The following NECAB2 variants were observed in gnomAD, a reference collection of about 807,000 sequenced individuals.
NECAB2 encodes N-terminal EF-hand calcium binding protein 2.
Under a neutral mutation model 51.9 loss-of-function variants are expected in NECAB2, and 68 were observed. The observed-to-expected ratio is 1.31, with a 90% confidence interval of 1.08 to 1.60. NECAB2 has a LOEUF of 1.60. NECAB2 is among the 40% of genes most tolerant of loss of function. The probability of loss-of-function intolerance (pLI) is 0.00; values close to 1 mark genes in which losing one functional copy is unlikely to be tolerated. For synonymous variants in NECAB2, 329 were observed against 203.5 expected (o/e 1.62, Z -5.25); for missense variants, 854 against 490.3 (o/e 1.74, Z -7.00).
In NECAB2 at chr16:83,968,825, C is replaced by T. The variant is rs2084318191; in HGVS notation, c.177C>T (p.Arg59=). The change falls in exon 1 of 13, where the codon CGC becomes CGT. Residue 59 remains arginine (R), a synonymous_variant. Transcript: ENST00000305202. The stretch of plus-strand genomic sequence containing the variant: ...CGGACCCCGGCCCAGCCTCGCCGCG[C>T]GGGGGCACCGCCGTCATCCTGGACG... ...APADPGPASP[R]GGTAVILDIF... 2.7e-6 allele frequency: 3 copies of T among 1,122,838 alleles called. No individual in the cohort carries two copies. Among genetic ancestry groups the T allele is most frequent in the African/African-American group, 1.7e-5 (1 of 60,060 alleles). The allele number at this position is 1,122,838 out of a possible 1,614,324, so 69.6% of individuals were successfully genotyped here.
chr16:83,971,161 C>G (rs1383995209), intron 1 of NECAB2, among the ~76,000 whole-genome samples: 3 of 152,058 alleles, frequency 2.0e-5, no homozygotes, highest in Non-Finnish European at 4.4e-5. Context: ...AGGTCTGACT[C>G]CACTACAGTG....
chr16:83,973,484 C>T (rs1171613000), intron 2 of NECAB2, among the ~76,000 whole-genome samples: 1 of 152,132 alleles, frequency 6.6e-6, no homozygotes, highest in Non-Finnish European at 1.5e-5. Context: ...GGACCATCAG[C>T]AGTGATTCCA....
chr16:84,002,561 A>C lies in NECAB2; in HGVS notation c.*215A>C. ...TGCTGCCAGGTCCTGGTGAAGCCCA[A>C]GGTTGAAGGGGGCGGCTTCCTGGAG... On this transcript the variant is annotated 3_prime_UTR_variant, in exon 13 of 13. Coordinates refer to ENST00000305202, the MANE Select transcript of NECAB2 (RefSeq NM_019065.3). 1.6e-6 allele frequency: 1 copy of C among 638,600 alleles called. No homozygotes were observed. The highest frequency in any genetic ancestry group is 2.7e-6 in the Non-Finnish European group (1 of 369,924). 39.6% of individuals were successfully genotyped at this position (638,600 alleles called of 1,614,324 possible).
intron 6 of NECAB2, among the ~76,000 whole-genome samples, chr16:83,992,777 C>G (rs1459112603): frequency 1.3e-5 from 2 of 152,226 alleles, no homozygotes; most frequent in East Asian, 3.8e-4. Context: ...AATCCCTGGA[C>G]TGGAGCCCAG....
At chr16:83,998,761 C>T (rs540640022) in intron 10 of NECAB2, among the ~76,000 whole-genome samples, 7 of 152,146 alleles carry the variant, frequency 4.6e-5, no homozygotes, top group East Asian at 1.9e-4. Flanking sequence ...AGAGGAGAGT[C>T]GGTAGCTGAA....
At position 84,000,765 on chromosome 16, in the gene NECAB2, T is replaced by C; in HGVS notation, c.1004T>C (p.Ile335Thr). ...CTCTCAGATGGCTTCACCTTTGTCA[T>C]CTATGAGTTCTGGGAGACAGAGGAG... Reference protein sequence around the residue: ...VRLSDGFTFVIYEFWETEEAW... With the variant: ...VRLSDGFTFVTYEFWETEEAW... The change falls in exon 11 of 13, where the codon ATC becomes ACC. Residue 335 changes from isoleucine to threonine, a missense_variant. Coordinates refer to ENST00000305202, the MANE Select transcript of NECAB2 (RefSeq NM_019065.3). 1 of 1,613,768 alleles carries C rather than the reference T, an allele frequency of 6.2e-7. No individual in the cohort carries two copies. The highest frequency in any genetic ancestry group is 2.2e-5 in the East Asian group (1 of 44,856).
intron 2 of NECAB2, 67 bp downstream of exon 2, chr16:83,972,242 T>C: frequency 6.2e-7 from 1 of 1,608,852 alleles, no homozygotes; most frequent in Non-Finnish European, 8.5e-7. Context: ...GGGGAAGGGA[T>C]CAGGGATAGG....
At chr16:84,000,702 C>T (rs1214323771) in intron 10 of NECAB2, 22 bp from the exon 11 acceptor site, 4 of 1,612,770 alleles carry the variant, frequency 2.5e-6, no homozygotes, top group Non-Finnish European at 3.4e-6. Flanking sequence ...AGCCTCCTCC[C>T]CCCGACCATC....
At chr16:83,991,776 A>T (rs192282799) in intron 6 of NECAB2, among the ~76,000 whole-genome samples, 1 of 149,122 alleles carries the variant, frequency 6.7e-6, no homozygotes, top group East Asian at 2.0e-4. Context: ...CCTCCCAAGG[A>T]GCTGGGACTA....
At chr16:84,000,336 C>T (rs1361116223) in intron 10 of NECAB2, among the ~76,000 whole-genome samples, 1 of 145,618 alleles carries the variant, frequency 6.9e-6, no homozygotes, top group Non-Finnish European at 1.5e-5. Flanking sequence ...TAAAGACCAG[C>T]ATGGGGAACA....
In NECAB2 at chr16:83,968,683, G is replaced by GCGCGCACAGGCTGCTCCGGGAGCCGC; in HGVS notation, c.39_64dup (p.Gln22ArgfsTer128). 1 of 989,772 alleles carries GCGCGCACAGGCTGCTCCGGGAGCCGC rather than the reference G, an allele frequency of 1.0e-6. No individual in the cohort carries two copies. The highest frequency in any genetic ancestry group is 1.2e-6 in the Non-Finnish European group (1 of 834,498). The allele number at this position is 989,772 out of a possible 1,614,324, so 61.3% of individuals were successfully genotyped here. ...CGGGCGGCGCGCCTGTGCAGGGCCG[G>GCGCGCACAGGCTGCTCCGGGAGCCGC]CGCGCACAGGCTGCTCCGGGAGCCG... On this transcript the variant is annotated frameshift_variant, in exon 1 of 13. Coordinates refer to ENST00000305202, the MANE Select transcript of NECAB2 (RefSeq NM_019065.3). LOFTEE classifies it high-confidence loss of function.
intron 8 of NECAB2, among the ~76,000 whole-genome samples, chr16:83,996,388 T>G (rs1055995827): frequency 6.6e-6 from 1 of 152,180 alleles, no homozygotes; most frequent in Non-Finnish European, 1.5e-5. Context: ...GCAAGGTCCC[T>G]TGCTCAAACA....
chr16:84,000,638 T>G, intron 10 of NECAB2, 86 bp from the exon 11 acceptor site: 2 of 1,076,140 alleles, frequency 1.9e-6, no homozygotes, highest in African/African-American at 1.5e-5. Context: ...TGTATAGTGG[T>G]GGGTCTCAGG....
intron 12 of NECAB2, 150 bp downstream of exon 12, chr16:84,002,066 C>T (rs1266956859): frequency 4.8e-6 from 5 of 1,047,134 alleles, no homozygotes; most frequent in Non-Finnish European, 7.1e-6. Flanking sequence ...AGAGCCAGCC[C>T]TGAGGTGGCC....
rs917065917 is a variant in NECAB2 at position 83,983,044 on chromosome 16, G to T, written c.459+1917G>T. On this transcript the variant is annotated intron_variant, in intron 5 of 12. Coordinates refer to ENST00000305202, the MANE Select transcript of NECAB2 (RefSeq NM_019065.3). ...CCACCACTCCTGGGTAATTTTTGTA[G>T]TTTTAGTAGAGACGGGGTTTCACCA... Among the ~76,000 whole-genome samples, 5 of 151,642 alleles carry T rather than the reference G, an allele frequency of 3.3e-5. 1 individual carries two copies. Among genetic ancestry groups the T allele is most frequent in the Admixed American group, 2.6e-4 (4 of 15,198 alleles).
In NECAB2 at chr16:83,994,387, A is replaced by G; in HGVS notation, c.682A>G (p.Met228Val). 6.2e-7 allele frequency: 1 copy of G among 1,611,198 alleles called. No homozygotes were observed. The highest frequency in any genetic ancestry group is 1.1e-5 in the South Asian group (1 of 91,018). Residue 228 changes from methionine to valine, a missense_variant, in exon 7 of 13, where the codon ATG becomes GTG. Coordinates refer to ENST00000305202, the MANE Select transcript of NECAB2 (RefSeq NM_019065.3). ...TPASAPNHKL[M>V]AMEQGKTLPS... ...CGCCTCTGCCCCCAACCACAAGCTC[A>G]TGGCTATGGAACAAGGCAAGACCCT...
chr16:83,999,596 C>T (rs534129149), intron 10 of NECAB2, among the ~76,000 whole-genome samples: 211 of 152,254 alleles, frequency 1.4e-3, no homozygotes, highest in African/African-American at 3.2e-3. Flanking sequence ...TTTTGGCCCC[C>T]GCTTTATGGT....
chr16:84,000,634 G>C, intron 10 of NECAB2, 90 bp from the exon 11 acceptor site: 2 of 1,007,544 alleles, frequency 2.0e-6, no homozygotes, highest in Non-Finnish European at 3.1e-6. Flanking sequence ...GTTGTGTATA[G>C]TGGTGGGTCT....
intron 2 of NECAB2, among the ~76,000 whole-genome samples, chr16:83,977,205 G>A (rs1187397414): frequency 1.3e-5 from 2 of 152,204 alleles, no homozygotes; most frequent in Admixed American, 6.5e-5. Flanking sequence ...GGTTTATGCA[G>A]AGAGGCTGGG....
Sources: gnomAD v4.1 joint callset for allele counts (sites outside exome capture counted in the v4.1 genomes callset) on GRCh38, gnomAD v4.1.1 for gene constraint, MANE v1.5 for transcripts, NCBI Gene and HGNC (gene_info 2026-07-23, HGNC 2026-07-21) for gene names.